Variants in STAT5B observed in about 807,000 individuals in gnomAD.
The protein encoded by STAT5B is signal transducer and activator of transcription 5B.
STAT5B carries 21 observed loss-of-function variants against 107.8 expected under a neutral mutation model. That is an observed-to-expected ratio of 0.19 (90% confidence interval 0.14 to 0.28). The LOEUF (loss-of-function observed/expected upper bound fraction) is 0.28, where lower values mean the gene tolerates loss of function less well. Ranked by LOEUF, STAT5B falls within the 10% of genes least tolerant of loss-of-function variation. The probability of loss-of-function intolerance (pLI) is 1.00; values close to 1 mark genes in which losing one functional copy is unlikely to be tolerated. For synonymous variants in STAT5B, 325 were observed against 401.7 expected, an observed-to-expected ratio of 0.81 and a Z score of 2.28; for missense variants, 565 against 1,008.2, an observed-to-expected ratio of 0.56 and a Z score of 5.95.
intron 7 of STAT5B, 29 bp from the exon 8 acceptor site, chr17:42,218,907 G>A (rs1219519323): frequency 1.2e-6 from 2 of 1,613,836 alleles, no homozygotes; most frequent in East Asian, 2.2e-5. Context: ...GCCAACAGGA[G>A]GACAATGGCT....
At chr17:42,286,214 C>T in the STAT5B span, among the ~76,000 whole-genome samples, 3 of 124,084 alleles carry the variant, frequency 2.4e-5, no homozygotes, top group Admixed American at 1.0e-4. Context: ...GTCTGGGCAA[C>T]GAGAGCGAAA....
At chr17:42,279,171 G>A (rs1438406173), upstream of STAT5B, among the ~76,000 whole-genome samples, 2 of 150,092 alleles carry the variant, frequency 1.3e-5, no homozygotes, top group Non-Finnish European at 3.0e-5. Context: ...GCGACAGAGT[G>A]AGACCTGTCT....
At position 42,202,387 on chromosome 17, in the gene STAT5B, G is replaced by A. The variant is rs1468456144; in HGVS notation, c.2190C>T (p.Pro730=). 2 of 1,614,124 alleles carry A rather than the reference G, an allele frequency of 1.2e-6. No homozygotes were observed. The highest frequency in any genetic ancestry group is 1.3e-5 in the African/African-American group (1 of 74,956). ...GGSATYMDQA[P]SPAVCPQAHY... is the part of the protein sequence containing the mutation. ...GAGCCTGGGGACACACAGCTGGGGA[G>A]GGGGCCTGGTCCATGTACGTGGCGC... The change falls in exon 18 of 19, where the codon CCC becomes CCT. Residue 730 remains proline, a synonymous_variant. Coordinates refer to ENST00000293328, the MANE Select transcript of STAT5B (RefSeq NM_012448.4).
At chr17:42,279,856 GCAGCTCTAGGCA>G (rs2080788521), upstream of STAT5B, among the ~76,000 whole-genome samples, 1 of 151,782 alleles carries the variant, frequency 6.6e-6, no homozygotes, top group Admixed American at 6.6e-5. Context: ...CTTGATTCTT[GCAGCTCTAGGCA>G]CATCTCTGAC....
chr17:42,246,890 G>A (rs2144345633), intron 1 of STAT5B, among the ~76,000 whole-genome samples: 1 of 152,340 alleles, frequency 6.6e-6, no homozygotes, highest in South Asian at 2.1e-4. Flanking sequence ...AAGGTGTCTA[G>A]AAAGCTATCA....
chr17:42,213,155 T>C (rs114953121), intron 12 of STAT5B, among the ~76,000 whole-genome samples: 1 of 152,200 alleles, frequency 6.6e-6, no homozygotes, highest in Non-Finnish European at 1.5e-5. Context: ...AATGTTCTTA[T>C]GTTATTTGAC....
At chr17:42,222,680 A>ATT (rs112956748) in intron 5 of STAT5B, among the ~76,000 whole-genome samples, 12 of 139,060 alleles carry the variant, frequency 8.6e-5, no homozygotes, top group African/African-American at 1.6e-4. Context: ...CCAGCTTAGA[A>ATT]TTTTTTTTTT....
chr17:42,207,630 C>T lies in STAT5B; in HGVS notation c.2005G>A (p.Val669Met), dbSNP rs1339796170. 2.5e-6 allele frequency: 4 copies of T among 1,613,894 alleles called. No homozygotes were observed. Among genetic ancestry groups the T allele is most frequent in the East Asian group, 2.2e-5 (1 of 44,876 alleles). Residue 669 changes from valine (V) to methionine (M), a missense_variant, in exon 16 of 19, where the codon GTG becomes ATG. Val to Met is a conservative substitution (Grantham distance 21, BLOSUM62 1). Around this residue, in one of 11 missense-constraint regions of STAT5B, gnomAD observed 38 missense variants for 79.5 expected, o/e 0.48. Coordinates refer to ENST00000293328, the MANE Select transcript of STAT5B (RefSeq NM_012448.4). Reference sequence around the variant, plus strand: ...TCATCTTTTGGCCGATCAGGAAACACGTAGATAAGGTAATTCAAGTCTCCC... The same window carrying T: ...TCATCTTTTGGCCGATCAGGAAACATGTAGATAAGGTAATTCAAGTCTCCC... Reference protein sequence around the residue: ...RLGDLNYLIYVFPDRPKDEVY... With the variant: ...RLGDLNYLIYMFPDRPKDEVY...
chr17:42,236,977 T>C (rs1255523906), intron 1 of STAT5B, among the ~76,000 whole-genome samples: 1 of 152,230 alleles, frequency 6.6e-6, no homozygotes, highest in African/African-American at 2.4e-5. Context: ...ACAAGGGAAG[T>C]AGTTTGTTCT....
At chr17:42,268,354 A>G (rs939435058) in intron 1 of STAT5B, among the ~76,000 whole-genome samples, 3 of 152,194 alleles carry the variant, frequency 2.0e-5, no homozygotes, top group African/African-American at 7.2e-5. Context: ...GTCTAGGAGC[A>G]ATAGGCTTTA....
At position 42,223,482 on chromosome 17, in the gene STAT5B, C is replaced by T. The variant is rs953100396; in HGVS notation, c.450G>A (p.Glu150=). The T allele has an allele frequency of 1.2e-6, 2 of 1,614,184 alleles. No individual in the cohort carries two copies. Among genetic ancestry groups the T allele is most frequent in the Admixed American group, 1.7e-5 (1 of 60,010 alleles). Residue 150 remains glutamate, a synonymous_variant, in exon 5 of 19, where the codon GAG becomes GAA. Transcript: ENST00000293328. ...CTGTGTCCTGCGTGACCAGTCGCAGCTCCTCAAACGTCTGGTTGATCTGGA... is the reference window on the plus strand; with the variant it reads ...CTGTGTCCTGCGTGACCAGTCGCAGTTCCTCAAACGTCTGGTTGATCTGGA... The part of the protein sequence containing the change: ...KHLQINQTFE[E]LRLVTQDTEN...
At chr17:42,261,067 C>T (rs2080592076) in intron 1 of STAT5B, among the ~76,000 whole-genome samples, 2 of 151,872 alleles carry the variant, frequency 1.3e-5, no homozygotes, top group Admixed American at 1.3e-4. Flanking sequence ...TGCCACCACG[C>T]CCGGCTAATT....
chr17:42,202,044 C>A, intron 18 of STAT5B, 180 bp from the exon 19 acceptor site: 1 of 656,172 alleles, frequency 1.5e-6, no homozygotes, highest in Non-Finnish European at 2.7e-6. Context: ...AAATACCCTC[C>A]CCTGTTACCT....
intron 12 of STAT5B, 110 bp downstream of exon 12, chr17:42,215,904 G>A: frequency 1.6e-6 from 2 of 1,228,000 alleles, no homozygotes; most frequent in South Asian, 1.3e-5. Flanking sequence ...TTACAAGTGT[G>A]AGTCACTGCA....
At position 42,219,814 on chromosome 17, in the gene STAT5B, G is replaced by A. The variant is rs2080208551; in HGVS notation, c.579C>T (p.Ser193=). Residue 193 remains serine, a synonymous_variant, in exon 6 of 19, where the codon AGC becomes AGT. Coordinates refer to ENST00000293328, the MANE Select transcript of STAT5B (RefSeq NM_012448.4). ...QAQFGPLAQL[S]PQERLSRETA... ...TCTCCCGGCTCAGACGCTCCTGGGG[G>A]CTCAGCTGGGCCAGCGGGCCAAACT... The A allele has an allele frequency of 9.3e-6, 15 of 1,614,010 alleles. No individual in the cohort carries two copies. The highest frequency in any genetic ancestry group is 1.1e-5 in the Non-Finnish European group (13 of 1,180,026).
chr17:42,256,778 C>T (rs1052028760), intron 1 of STAT5B, among the ~76,000 whole-genome samples: 1 of 142,136 alleles, frequency 7.0e-6, no homozygotes, highest in Non-Finnish European at 1.5e-5. Flanking sequence ...AGGAGAATGG[C>T]ATGAACCCAG....
chr17:42,223,820 G>A (rs550998898), intron 4 of STAT5B, among the ~76,000 whole-genome samples: 3 of 152,094 alleles, frequency 2.0e-5, no homozygotes, highest in Non-Finnish European at 4.4e-5. Context: ...TATTCCAAAC[G>A]AGGTCCATTG....
intron 1 of STAT5B, among the ~76,000 whole-genome samples, chr17:42,251,986 A>C (rs2080503654): frequency 1.3e-5 from 2 of 150,716 alleles, no homozygotes; most frequent in Admixed American, 1.3e-4. Flanking sequence ...GTGACAGAGC[A>C]AGGCTCCGTC....
At chr17:42,222,875 G>C (rs914796054) in intron 5 of STAT5B, among the ~76,000 whole-genome samples, 14 of 151,588 alleles carry the variant, frequency 9.2e-5, no homozygotes, top group African/African-American at 3.2e-4. Context: ...GTAGAGACGG[G>C]GTTTCACCAT....
Sources: gnomAD v4.1 joint callset for allele counts (sites outside exome capture counted in the v4.1 genomes callset) on GRCh38, gnomAD v4.1.1 for gene constraint, gnomAD v4.1.1 regional missense constraint, MANE v1.5 for transcripts, NCBI Gene and HGNC (gene_info 2026-07-23, HGNC 2026-07-21) for gene names.